Variants in CDKAL1 observed in about 807,000 individuals in gnomAD.
CDKAL1 encodes threonylcarbamoyladenosine tRNA methylthiotransferase.
In CDKAL1, 32 loss-of-function variants were observed where a neutral mutation model predicts 68.2. That is an observed-to-expected ratio of 0.47 (90% CI 0.35 to 0.63). The LOEUF (loss-of-function observed/expected upper bound fraction) is 0.63. Ranked by LOEUF, CDKAL1 falls within the 30% of genes least tolerant of loss-of-function variation. CDKAL1 has a pLI of 0.00. For synonymous variants in CDKAL1, 234 were observed against 244.3 expected, an observed-to-expected ratio of 0.96 and a Z score of 0.39; for missense variants, 606 against 696.7, an observed-to-expected ratio of 0.87 and a Z score of 1.47.
At chr6:21,125,848 T>G (rs970591740) in intron 13 of CDKAL1, among the ~76,000 whole-genome samples, 4 of 152,176 alleles carry the variant, frequency 2.6e-5, no homozygotes, top group Non-Finnish European at 5.9e-5. Flanking sequence ...GGGAGTTAGG[T>G]GTCCCTTTCA....
intron 10 of CDKAL1, among the ~76,000 whole-genome samples, chr6:20,977,339 G>T (rs1256812934): frequency 6.6e-6 from 1 of 152,124 alleles, no homozygotes; most frequent in African/African-American, 2.4e-5. Context: ...ATACACTTTG[G>T]TACAGTTTAG....
At chr6:20,782,819 A>G (rs1007808883) in intron 8 of CDKAL1, among the ~76,000 whole-genome samples, 15 of 152,222 alleles carry the variant, frequency 9.9e-5, no homozygotes, top group Non-Finnish European at 5.9e-5. Flanking sequence ...TTAAAATTTG[A>G]CAGTTTAGTG....
intron 11 of CDKAL1, among the ~76,000 whole-genome samples, chr6:21,019,328 C>T (rs1289471155): frequency 6.6e-6 from 1 of 152,116 alleles, no homozygotes; most frequent in African/African-American, 2.4e-5. Context: ...CCTTGAGTTA[C>T]TCCTTTTCTG....
At chr6:20,711,176 C>T (rs17226492) in intron 5 of CDKAL1, among the ~76,000 whole-genome samples, 3,091 of 152,042 alleles carry the variant, frequency 0.02, 40 homozygotes, top group Non-Finnish European at 0.032. Flanking sequence ...GTTCTGTCCT[C>T]GGTGTATACA....
At chr6:21,155,820 T>C (rs1348578517) in intron 13 of CDKAL1, among the ~76,000 whole-genome samples, 2 of 152,150 alleles carry the variant, frequency 1.3e-5, no homozygotes, top group African/African-American at 2.4e-5. Context: ...CCAAATGTGC[T>C]CCAGAATATA....
At chr6:20,958,847 C>T (rs1056353770) in intron 10 of CDKAL1, among the ~76,000 whole-genome samples, 11 of 152,210 alleles carry the variant, frequency 7.2e-5, no homozygotes, top group Non-Finnish European at 1.6e-4. Context: ...CTGTTCACTT[C>T]TTATTCACCT....
chr6:20,792,959 T>C (rs1775959117), intron 8 of CDKAL1, among the ~76,000 whole-genome samples: 1 of 152,200 alleles, frequency 6.6e-6, no homozygotes, highest in Non-Finnish European at 1.5e-5. Flanking sequence ...ACCACAAATA[T>C]GGGGAATGTA....
intron 13 of CDKAL1, among the ~76,000 whole-genome samples, chr6:21,171,491 C>G (rs915483826): frequency 1.3e-5 from 2 of 152,136 alleles, no homozygotes; most frequent in Admixed American, 1.3e-4. Context: ...GGATTACAGG[C>G]TGAGCCACCC....
At chr6:21,205,723 G>T (rs910277193) in intron 15 of CDKAL1, among the ~76,000 whole-genome samples, 3 of 150,796 alleles carry the variant, frequency 2.0e-5, no homozygotes, top group African/African-American at 4.9e-5. Flanking sequence ...AGTAGAGACG[G>T]GGTTTCACTG....
Position 21,105,774 on chromosome 6 carries a change from CA to C in CDKAL1, c.1237-2626del, listed in dbSNP as rs535163693. On this transcript the variant is annotated intron_variant, in intron 12 of 15. Transcript: ENST00000274695. ...CATCAGAATAGAAACAGAAGCAAGA[CA>C]GGGGCAGTGTTAGGGACAAACAGAC... is the stretch of plus-strand genomic sequence containing the variant. Among the ~76,000 whole-genome samples, 223 of 152,270 alleles carry C rather than the reference CA, an allele frequency of 1.5e-3. 1 individual carries two copies. The highest frequency in any genetic ancestry group is 6.8e-3 in the Middle Eastern group (2 of 294).
chr6:20,875,095 C>G (rs1328232863), intron 9 of CDKAL1, among the ~76,000 whole-genome samples: 1 of 151,114 alleles, frequency 6.6e-6, no homozygotes, highest in East Asian at 2.0e-4. Flanking sequence ...GTCAGGAGAT[C>G]GAGACCATCC....
At chr6:20,907,206 T>A (rs948518013) in intron 9 of CDKAL1, among the ~76,000 whole-genome samples, 35 of 152,146 alleles carry the variant, frequency 2.3e-4, no homozygotes, top group African/African-American at 7.0e-4. Flanking sequence ...ACTGTATACT[T>A]AAAAAATGTT....
chr6:21,006,604 A>G (rs1446149857), intron 11 of CDKAL1, among the ~76,000 whole-genome samples: 3 of 152,326 alleles, frequency 2.0e-5, no homozygotes, highest in East Asian at 3.9e-4. Context: ...ATGAATACAT[A>G]TATATCATTG....
intron 11 of CDKAL1, among the ~76,000 whole-genome samples, chr6:21,039,081 C>T (rs777719492): frequency 6.6e-6 from 1 of 152,168 alleles, no homozygotes; most frequent in Non-Finnish European, 1.5e-5. Context: ...GATACCAGTC[C>T]ATGGCCTGTT....
intron 5 of CDKAL1, among the ~76,000 whole-genome samples, chr6:20,658,969 C>T (rs1271647705): frequency 3.9e-5 from 6 of 151,996 alleles, no homozygotes; most frequent in African/African-American, 1.5e-4. Flanking sequence ...CATACACCAC[C>T]ACACCCAGCC....
At chr6:20,818,911 A>G (rs1777160533) in intron 8 of CDKAL1, among the ~76,000 whole-genome samples, 1 of 151,970 alleles carries the variant, frequency 6.6e-6, no homozygotes, top group Non-Finnish European at 1.5e-5. Flanking sequence ...GTTGTACAAA[A>G]TGTTTTAAAA....
intron 8 of CDKAL1, among the ~76,000 whole-genome samples, chr6:20,783,046 C>T (rs1775500338): frequency 6.6e-6 from 1 of 152,090 alleles, no homozygotes; most frequent in Non-Finnish European, 1.5e-5. Flanking sequence ...TCTCCTGTCT[C>T]AGCCTCCCGA....
intron 8 of CDKAL1, among the ~76,000 whole-genome samples, chr6:20,822,543 G>C (rs1478501407): frequency 6.6e-6 from 1 of 152,088 alleles, no homozygotes; most frequent in Non-Finnish European, 1.5e-5. Flanking sequence ...TTGGCTCAGC[G>C]ATAGGGTTAG....
At chr6:20,952,369 T>C (rs979664788) in intron 9 of CDKAL1, among the ~76,000 whole-genome samples, 2 of 152,220 alleles carry the variant, frequency 1.3e-5, no homozygotes, top group East Asian at 1.9e-4. Context: ...CATTTTAAGC[T>C]AGCCCAGCAG....
Sources: gnomAD v4.1 joint callset for allele counts (sites outside exome capture counted in the v4.1 genomes callset) on GRCh38, gnomAD v4.1.1 for gene constraint, MANE v1.5 for transcripts, NCBI Gene and HGNC (gene_info 2026-07-23, HGNC 2026-07-21) for gene names.